Variants in BICD1 observed in about 807,000 individuals in gnomAD.
BICD1 encodes BICD cargo adaptor 1.
A neutral mutation model predicts 92.5 loss-of-function variants in BICD1; 35 were observed. The observed-to-expected ratio is 0.38, with a 90% CI of 0.29 to 0.50. The LOEUF (loss-of-function observed/expected upper bound fraction) is 0.50, where lower values mean the gene tolerates loss of function less well. Ranked by LOEUF, BICD1 falls within the 20% of genes least tolerant of loss-of-function variation. The pLI, the probability that BICD1 is intolerant of heterozygous loss-of-function variation, is 0.93. For missense variants in BICD1, 950 were observed against 1,189.8 expected, an observed-to-expected ratio of 0.80 and a Z score of 2.97; for synonymous variants, 429 against 465.1, an observed-to-expected ratio of 0.92 and a Z score of 1.00.
intron 8 of BICD1, among the ~76,000 whole-genome samples, chr12:32,360,110 A>G (rs1003706468): frequency 6.6e-6 from 1 of 150,932 alleles, no homozygotes; most frequent in Non-Finnish European, 1.5e-5. Flanking sequence ...GTGTGAACCC[A>G]GGAGGGGGAG....
At chr12:32,332,071 G>T (rs1479333641) in intron 5 of BICD1, among the ~76,000 whole-genome samples, 1 of 152,126 alleles carries the variant, frequency 6.6e-6, no homozygotes, top group Non-Finnish European at 1.5e-5. Context: ...GTCATTTACA[G>T]GGACATGGTT....
At chr12:32,133,091 T>C (rs1851071022) in intron 1 of BICD1, among the ~76,000 whole-genome samples, 2 of 152,186 alleles carry the variant, frequency 1.3e-5, no homozygotes, top group South Asian at 2.1e-4. Flanking sequence ...AGGAATAAAA[T>C]AATATTTCAC....
intron 2 of BICD1, among the ~76,000 whole-genome samples, chr12:32,262,198 C>T (rs1377853711): frequency 6.6e-6 from 1 of 152,204 alleles, no homozygotes; most frequent in Non-Finnish European, 1.5e-5. Context: ...CTCCCCATTG[C>T]CTTGACATTG....
At chr12:32,171,125 A>G (rs59372730) in intron 1 of BICD1, among the ~76,000 whole-genome samples, 1,776 of 152,344 alleles carry the variant, frequency 0.012, 44 homozygotes, top group African/African-American at 0.041. Flanking sequence ...ATGCCTCTCA[A>G]TAGAGAAATT....
chr12:32,327,234 G>A (rs144565251), intron 4 of BICD1, among the ~76,000 whole-genome samples: 28 of 152,282 alleles, frequency 1.8e-4, no homozygotes, highest in Admixed American at 4.6e-4. Context: ...TGATACAAGC[G>A]AAATTGATGG....
At chr12:32,133,400 A>T (rs916220993) in intron 1 of BICD1, among the ~76,000 whole-genome samples, 1 of 151,992 alleles carries the variant, frequency 6.6e-6, no homozygotes, top group Non-Finnish European at 1.5e-5. Flanking sequence ...AGGCACAAGA[A>T]TCACTTGAAC....
At chr12:32,301,272 A>G (rs970187083) in intron 3 of BICD1, among the ~76,000 whole-genome samples, 1 of 152,158 alleles carries the variant, frequency 6.6e-6, no homozygotes, top group Non-Finnish European at 1.5e-5. Context: ...TACCAGAGAT[A>G]AAGTAAAAAA....
chr12:32,337,724 A>G lies in BICD1; in HGVS notation c.2478A>G (p.Ser826=), dbSNP rs1302474351. Residue 826 remains serine (S), a synonymous_variant, in exon 7 of 10, where the codon TCA becomes TCG. Transcript: ENST00000652176. The surrounding 1 kb of genome is among the most constrained non-coding windows in gnomAD (Gnocchi z 4.7). ...IGSPKVSGEA[S]VTVPTIDTYL... The stretch of plus-strand genomic sequence containing the variant: ...GCCCTAAAGTAAGTGGGGAGGCATC[A>G]GTCACCGTGCCCACCATAGACACTT... 1 of 1,614,198 alleles carries G rather than the reference A, an allele frequency of 6.2e-7. No homozygotes were observed. Among genetic ancestry groups the G allele is most frequent in the Admixed American group, 1.7e-5 (1 of 60,016 alleles).
Position 32,328,135 on chromosome 12 carries a change from C to T in BICD1, c.1680C>T (p.Ser560=). ...KGPDDPRGLL[S]PRLARRGVSS... ...CCGATGATCCCAGAGGACTTTTGTC[C>T]CCACGATTAGCCAGGCGGGGTGTGT... Residue 560 remains serine (S), a synonymous_variant, in exon 5 of 10, where the codon TCC becomes TCT. Coordinates refer to ENST00000652176, the MANE Select transcript of BICD1 (RefSeq NM_001714.4). This position sits in a 1 kb window ranked among gnomAD's most constrained non-coding sequence, Gnocchi z 4.4. 1 of 1,614,116 alleles carries T rather than the reference C, an allele frequency of 6.2e-7. No homozygotes were observed. Among genetic ancestry groups the T allele is most frequent in the South Asian group, 1.1e-5 (1 of 91,084 alleles).
At chr12:32,271,646 C>T (rs1947144808) in intron 2 of BICD1, among the ~76,000 whole-genome samples, 1 of 152,182 alleles carries the variant, frequency 6.6e-6, no homozygotes, top group Non-Finnish European at 1.5e-5. Context: ...GTTAAGCTTC[C>T]CCATACCGTG....
chr12:32,266,005 A>G (rs1347489302), intron 2 of BICD1, among the ~76,000 whole-genome samples: 1 of 152,182 alleles, frequency 6.6e-6, no homozygotes, highest in Non-Finnish European at 1.5e-5. Context: ...CCATTTTTAT[A>G]TCCATAGTCT....
At chr12:32,148,220 T>C (rs916629602) in intron 1 of BICD1, among the ~76,000 whole-genome samples, 1 of 151,166 alleles carries the variant, frequency 6.6e-6, no homozygotes, top group Non-Finnish European at 1.5e-5. Context: ...CCTGCCTGGC[T>C]CTGTAGTGGT....
At position 32,327,752 on chromosome 12, in the gene BICD1, G is replaced by A; in HGVS notation, c.1297G>A (p.Glu433Lys). ...AACTGAGGTGATTGATCTGAAAGCT[G>A]AAATTAAGGCCTTAAAGGAGAAATA... is the stretch of plus-strand genomic sequence containing the variant. ...AVTEVIDLKA[E>K]IKALKEKYNK... The change falls in exon 5 of 10, where the codon GAA becomes AAA. Residue 433 changes from glutamate (E) to lysine (K), a missense_variant. Transcript: ENST00000652176. 10 of 1,614,104 alleles carry A rather than the reference G, an allele frequency of 6.2e-6. No homozygotes were observed. Among genetic ancestry groups the A allele is most frequent in the Non-Finnish European group, 7.6e-6 (9 of 1,180,010 alleles).
chr12:32,283,852 C>T (rs813785), intron 2 of BICD1, among the ~76,000 whole-genome samples: 94,258 of 152,094 alleles, frequency 0.62, 30,241 homozygotes, highest in Middle Eastern at 0.77. Flanking sequence ...TCCCAGCCTT[C>T]TTGTTTTCTA....
intron 1 of BICD1, among the ~76,000 whole-genome samples, chr12:32,206,028 T>A (rs4931619): frequency 6.6e-6 from 1 of 151,976 alleles, no homozygotes; most frequent in East Asian, 1.9e-4. Context: ...TTGTTGGATA[T>A]GTCAGTAGTT....
chr12:32,218,950 T>C (rs188624625), intron 2 of BICD1, among the ~76,000 whole-genome samples: 1 of 152,334 alleles, frequency 6.6e-6, no homozygotes, highest in Admixed American at 6.5e-5. Context: ...ATTCTATTTT[T>C]TGGTGTATTG....
At chr12:32,202,960 C>CT (rs1565584375) in intron 1 of BICD1, among the ~76,000 whole-genome samples, 1 of 152,074 alleles carries the variant, frequency 6.6e-6, no homozygotes, top group Admixed American at 6.5e-5. Context: ...TCAGGTACCC[C>CT]TTTTTTCTCA....
chr12:32,136,890 C>T (rs1281031641), intron 1 of BICD1, among the ~76,000 whole-genome samples: 2 of 152,116 alleles, frequency 1.3e-5, no homozygotes, highest in Admixed American at 6.5e-5. Flanking sequence ...CAGAGTTGAA[C>T]ATTCTTAAGA....
intron 2 of BICD1, among the ~76,000 whole-genome samples, chr12:32,269,710 C>T (rs1246465349): frequency 6.6e-6 from 1 of 152,144 alleles, no homozygotes; most frequent in Non-Finnish European, 1.5e-5. Context: ...GGTCGATCAC[C>T]CATTAGGAAT....
Sources: gnomAD v4.1 joint callset for allele counts (sites outside exome capture counted in the v4.1 genomes callset) on GRCh38, gnomAD v4.1.1 for gene constraint, Gnocchi (gnomAD v3.1) non-coding constraint, MANE v1.5 for transcripts, NCBI Gene and HGNC (gene_info 2026-07-23, HGNC 2026-07-21) for gene names.